Variants in SLC6A9 observed in about 807,000 individuals in gnomAD.
SLC6A9 encodes the protein solute carrier family 6 member 9.
SLC6A9 carries 31 observed loss-of-function variants against 70.9 expected under a neutral mutation model. The ratio of observed to expected loss-of-function variants is 0.44; its 90% CI spans 0.33 to 0.59. The LOEUF is 0.59. Ranked by LOEUF, SLC6A9 falls within the 20% of genes least tolerant of loss-of-function variation. SLC6A9 has a pLI of 0.04. For missense variants in SLC6A9, 631 were observed against 845.2 expected (o/e 0.75, Z 3.14); for synonymous variants, 310 against 341.3 (o/e 0.91, Z 1.01).
chr1:44,023,068 G>A (rs1045115932), intron 2 of SLC6A9, among the ~76,000 whole-genome samples: 4 of 152,098 alleles, frequency 2.6e-5, no homozygotes, highest in Admixed American at 6.6e-5. Flanking sequence ...GACAGGGCTC[G>A]TTTGGGGAGG....
At chr1:44,015,222 C>G (rs1318665380) in intron 2 of SLC6A9, among the ~76,000 whole-genome samples, 1 of 152,252 alleles carries the variant, frequency 6.6e-6, no homozygotes, top group African/African-American at 2.4e-5. Context: ...CCAGGATGCA[C>G]TCCTGCCTTT....
At chr1:44,029,988 G>A (rs2087064473) in intron 1 of SLC6A9, among the ~76,000 whole-genome samples, 1 of 152,196 alleles carries the variant, frequency 6.6e-6, no homozygotes, top group South Asian at 2.1e-4. Context: ...TTTCAGCGGA[G>A]AAATAGACCG....
chr1:44,005,405 G>T (rs1367504807), intron 5 of SLC6A9, among the ~76,000 whole-genome samples: 4 of 152,204 alleles, frequency 2.6e-5, no homozygotes, highest in African/African-American at 9.7e-5. Context: ...TCTCGCTTTA[G>T]AGTCTCTTCA....
chr1:44,009,882 G>T, intron 4 of SLC6A9, 83 bp downstream of exon 4: 1 of 1,523,196 alleles, frequency 6.6e-7, no homozygotes. Context: ...AGCCATGTTT[G>T]TACAGATGGG....
intron 5 of SLC6A9, among the ~76,000 whole-genome samples, chr1:44,007,651 G>A (rs1332630359): frequency 6.6e-6 from 1 of 152,178 alleles, no homozygotes; most frequent in Non-Finnish European, 1.5e-5. Flanking sequence ...TAGGCCACCT[G>A]AAGCCCATGC....
At chr1:44,011,050 G>A (rs1219541259) in intron 2 of SLC6A9, among the ~76,000 whole-genome samples, 168 bp from the exon 3 acceptor site, 1 of 152,242 alleles carries the variant, frequency 6.6e-6, no homozygotes, top group Non-Finnish European at 1.5e-5. Flanking sequence ...GAAGCAGAGA[G>A]TAGTGGCTGC....
intron 2 of SLC6A9, chr1:44,017,367 CAACA>C: frequency 8.6e-7 from 1 of 1,163,836 alleles, no homozygotes; most frequent in Non-Finnish European, 1.1e-6. Context: ...GTAACTGGAA[CAACA>C]CACACACACA....
chr1:44,010,195 T>TAGGA, intron 3 of SLC6A9, 99 bp from the exon 4 acceptor site: 1 of 1,357,296 alleles, frequency 7.4e-7, no homozygotes, highest in Non-Finnish European at 1.0e-6. Flanking sequence ...CGCGATTGGG[T>TAGGA]AGGACCCAGG....
Position 44,000,988 on chromosome 1 carries a change from C to T in SLC6A9, c.1403G>A (p.Cys468Tyr). ...AASFSLVVIS[C>Y]IMCVAIMYIY... The stretch of plus-strand genomic sequence containing the variant: ...GTACATGATGGCCACACACATGATG[C>T]AGGAGATGACCACCAAGGAGAAGCT... Residue 468 changes from cysteine (C) to tyrosine (Y), a missense_variant, in exon 11 of 14, where the codon TGC (cysteine) becomes TAC (tyrosine). Physicochemically the swap from Cys to Tyr is radical, Grantham distance 194. Transcript: ENST00000372310. 1 of 1,590,180 alleles carries T rather than the reference C, an allele frequency of 6.3e-7. No individual in the cohort carries two copies. Among genetic ancestry groups the T allele is most frequent in the Non-Finnish European group, 8.6e-7 (1 of 1,166,498 alleles).
chr1:44,002,037 C>T lies in SLC6A9; in HGVS notation c.962+276G>A, dbSNP rs945057651. The stretch of plus-strand genomic sequence containing the variant: ...GGCGTGAAGCACTGAGCCTGGCCCC[C>T]AACTCCTTTTCTGGTCTGTTCTGGG... On this transcript the variant is annotated intron_variant, in intron 8 of 13. Coordinates refer to ENST00000372310, the MANE Select transcript of SLC6A9 (RefSeq NM_001024845.3). The surrounding 1 kb of genome is among the most constrained non-coding windows in gnomAD (Gnocchi z 5.5). Among the ~76,000 whole-genome samples, 2 of 152,142 alleles carry T rather than the reference C, an allele frequency of 1.3e-5. No individual in the cohort carries two copies. The highest frequency in any genetic ancestry group is 2.9e-5 in the Non-Finnish European group (2 of 68,028).
At chr1:43,998,984 G>GT (rs1553160178) in intron 12 of SLC6A9, among the ~76,000 whole-genome samples, 4 of 150,178 alleles carry the variant, frequency 2.7e-5, no homozygotes, top group East Asian at 2.0e-4. Flanking sequence ...GCGGGGGAAG[G>GT]GGGGGGGCAG....
Position 44,002,563 on chromosome 1 carries a change from G to A in SLC6A9, c.807C>T (p.Asp269=), listed in dbSNP as rs2248829. Residue 269 remains aspartate, a synonymous_variant, in exon 7 of 14, where the codon GAC becomes GAT. Coordinates refer to ENST00000372310, the MANE Select transcript of SLC6A9 (RefSeq NM_001024845.3). This position sits in a 1 kb window ranked among gnomAD's most constrained non-coding sequence, Gnocchi z 5.5. The part of the protein sequence containing the change: ...VRGVTLEGAF[D]GIMYYLTPQW... The stretch of plus-strand genomic sequence containing the variant: ...GCGGGGTTAGGTAGTACATGATGCC[G>A]TCAAAGGCTCCCTCCAGGGTCACTC... 145,601 of 1,613,730 alleles carry A rather than the reference G, an allele frequency of 0.09. 8,845 individuals carry two copies. The highest frequency in any genetic ancestry group is 0.27 in the African/African-American group (20,372 of 74,912).
intron 12 of SLC6A9, 62 bp from the exon 13 acceptor site, chr1:43,998,087 C>G (rs1210088525): frequency 3.4e-6 from 5 of 1,452,906 alleles, no homozygotes; most frequent in Non-Finnish European, 3.7e-6. Context: ...CCCAGGCCAT[C>G]CCTCTACCAG....
intron 2 of SLC6A9, among the ~76,000 whole-genome samples, chr1:44,020,289 G>A (rs1431034032): frequency 6.6e-6 from 1 of 152,244 alleles, no homozygotes; most frequent in Non-Finnish European, 1.5e-5. Flanking sequence ...TCAGCAGAGT[G>A]CCTCTTGTGT....
Position 44,024,375 on chromosome 1 carries a change from C to G in SLC6A9, c.-85-13G>C, listed in dbSNP as rs1457071044. ...CAGATCTCAAGAGCTGTGGAGAGAG[C>G]AGAGGGTGAGGTGAGGACTTGGCCG... is the stretch of plus-strand genomic sequence containing the variant. On this transcript the variant is annotated splice_polypyrimidine_tract_variant and intron_variant, in intron 1 of 13. Transcript: ENST00000372310. 5 of 1,485,914 alleles carry G rather than the reference C, an allele frequency of 3.4e-6. No individual in the cohort carries two copies. The African/African-American group carries it at 5.5e-5, about 16-fold the overall frequency. The allele number at this position is 1,485,914 out of a possible 1,614,324, so 92.0% of individuals were successfully genotyped here. A position where few individuals can be genotyped will look rare whatever the true frequency, so the allele number is the denominator to read the frequency against.
At chr1:44,000,675 G>T (rs1017267490) in intron 12 of SLC6A9, 92 bp downstream of exon 12, 31 of 816,870 alleles carry the variant, frequency 3.8e-5, no homozygotes, top group Non-Finnish European at 5.6e-5. Context: ...GGCCAGGTGC[G>T]GGAGCTCCCA....
intron 2 of SLC6A9, among the ~76,000 whole-genome samples, chr1:44,023,297 C>A (rs987978525): frequency 2.0e-5 from 3 of 152,174 alleles, no homozygotes; most frequent in African/African-American, 7.2e-5. Context: ...TTTCTTGGTT[C>A]TTGCTTCTGG....
At chr1:44,001,965 G>A (rs1475832831) in intron 8 of SLC6A9, among the ~76,000 whole-genome samples, 1 of 152,008 alleles carries the variant, frequency 6.6e-6, no homozygotes, top group Non-Finnish European at 1.5e-5. Flanking sequence ...TGAATTCCTG[G>A]GCTCAAGTGA....
intron 2 of SLC6A9, 41 bp downstream of exon 2, chr1:44,024,207 G>A (rs2086939891): frequency 6.2e-7 from 1 of 1,604,088 alleles, no homozygotes; most frequent in South Asian, 1.1e-5. Flanking sequence ...GGCAGGGCTT[G>A]GGACTCCCGT....
Sources: allele counts gnomAD v4.1 joint callset (sites outside exome capture counted in the v4.1 genomes callset), GRCh38; gene constraint gnomAD v4.1.1; non-coding constraint Gnocchi (gnomAD v3.1); transcripts MANE v1.5; gene names NCBI Gene and HGNC (gene_info 2026-07-23, HGNC 2026-07-21).